Variants in NUBPL observed in about 807,000 individuals in gnomAD.
NUBPL encodes iron-sulfur cluster transfer protein NUBPL.
NUBPL carries 31 observed loss-of-function variants against 45.7 expected under a neutral mutation model. The observed-to-expected ratio is 0.68, with a 90% CI of 0.51 to 0.92. The LOEUF is 0.92. Ranked by LOEUF, NUBPL falls within the 40% of genes least tolerant of loss-of-function variation. The pLI is 0.00. For missense variants in NUBPL, 401 were observed against 398.7 expected (o/e 1.01, Z -0.05); for synonymous variants, 144 against 140.9 (o/e 1.02, Z -0.15).
rs541071646 is a variant in NUBPL at position 31,852,455 on chromosome 14, G to A, written c.897+2254G>A. On this transcript the variant is annotated intron_variant, in intron 10 of 10. Coordinates refer to ENST00000281081, the MANE Select transcript of NUBPL (RefSeq NM_025152.3). ...TGGGAGGCTGAGGCGGGCAGATCACGAGGTCAGGAGTTTGAGATCAACCTG... is the reference window on the plus strand; with the variant it reads ...TGGGAGGCTGAGGCGGGCAGATCACAAGGTCAGGAGTTTGAGATCAACCTG... Among the ~76,000 whole-genome samples the A allele has an allele frequency of 5.3e-5, 8 of 152,160 alleles. No homozygotes were observed. The South Asian group carries it at 1.5e-3, about 28-fold the overall frequency.
intron 6 of NUBPL, among the ~76,000 whole-genome samples, chr14:31,708,457 A>G (rs1431541247): frequency 3.9e-5 from 6 of 152,160 alleles, no homozygotes. Context: ...ATATTCATGT[A>G]GATAATAGCT....
At chr14:31,596,753 A>C (rs1446250344) in intron 3 of NUBPL, among the ~76,000 whole-genome samples, 1 of 152,248 alleles carries the variant, frequency 6.6e-6, no homozygotes, top group Non-Finnish European at 1.5e-5. Flanking sequence ...CATTTTAAGA[A>C]AGAATACTTT....
intron 7 of NUBPL, among the ~76,000 whole-genome samples, chr14:31,818,837 C>A (rs989316291): frequency 1.3e-5 from 2 of 152,184 alleles, no homozygotes; most frequent in Non-Finnish European, 2.9e-5. Flanking sequence ...CGTGAGCTGC[C>A]GTGCCCAGCC....
chr14:31,696,611 G>C (rs991997018), intron 6 of NUBPL, among the ~76,000 whole-genome samples: 1 of 152,018 alleles, frequency 6.6e-6, no homozygotes, highest in African/African-American at 2.4e-5. Flanking sequence ...CAACCCATTT[G>C]TAGACTAACT....
intron 6 of NUBPL, among the ~76,000 whole-genome samples, chr14:31,707,790 T>G (rs1488846944): frequency 6.6e-6 from 1 of 152,212 alleles, no homozygotes; most frequent in African/African-American, 2.4e-5. Context: ...TAGAGTAGCT[T>G]GCTGGCACGA....
intron 3 of NUBPL, among the ~76,000 whole-genome samples, chr14:31,590,640 T>C (rs577966760): frequency 6.6e-6 from 1 of 152,362 alleles, no homozygotes; most frequent in East Asian, 1.9e-4. Flanking sequence ...CCAGCATCTT[T>C]GCTGCAGTAC....
At chr14:31,833,568 A>C (rs11848123) in intron 8 of NUBPL, among the ~76,000 whole-genome samples, 34,318 of 152,116 alleles carry the variant, frequency 0.23, 6,766 homozygotes, top group African/African-American at 0.54. Context: ...AGTAGACCCC[A>C]AAATATATAA....
intron 6 of NUBPL, among the ~76,000 whole-genome samples, chr14:31,765,924 A>T (rs1373749241): frequency 6.6e-6 from 1 of 152,192 alleles, no homozygotes; most frequent in Non-Finnish European, 1.5e-5. Context: ...AGAAATAAGG[A>T]TCTTACAGCT....
intron 7 of NUBPL, among the ~76,000 whole-genome samples, chr14:31,807,850 G>A (rs185780684): frequency 0.011 from 1,603 of 152,304 alleles, 27 homozygotes; most frequent in African/African-American, 0.037. Context: ...TGGCTAGCCA[G>A]TTTTCCCAGC....
chr14:31,594,990 A>G (rs143624703), intron 3 of NUBPL, among the ~76,000 whole-genome samples: 2 of 152,312 alleles, frequency 1.3e-5, no homozygotes, highest in East Asian at 1.9e-4. Flanking sequence ...GATGGGTTCT[A>G]TTAGCAGAAG....
chr14:31,726,498 C>G (rs2037928566), intron 6 of NUBPL, among the ~76,000 whole-genome samples: 1 of 152,166 alleles, frequency 6.6e-6, no homozygotes, highest in South Asian at 2.1e-4. Context: ...TATCATTTTT[C>G]TGGAATGTGT....
intron 2 of NUBPL, among the ~76,000 whole-genome samples, chr14:31,563,691 G>C (rs2033360652): frequency 6.6e-6 from 1 of 152,140 alleles, no homozygotes; most frequent in East Asian, 1.9e-4. Flanking sequence ...TTTTAGATTA[G>C]AATGATGACA....
At chr14:31,594,566 T>C (rs959050799) in intron 3 of NUBPL, among the ~76,000 whole-genome samples, 6 of 152,116 alleles carry the variant, frequency 3.9e-5, no homozygotes, top group Non-Finnish European at 8.8e-5. Context: ...ATTTTTTTTT[T>C]CTTTTATGCT....
At chr14:31,715,756 C>T (rs2037674030) in intron 6 of NUBPL, among the ~76,000 whole-genome samples, 1 of 152,104 alleles carries the variant, frequency 6.6e-6, no homozygotes, top group African/African-American at 2.4e-5. Context: ...TTGCTGTACA[C>T]TACTGTAGAC....
At chr14:31,652,710 G>A (rs952569790) in intron 4 of NUBPL, among the ~76,000 whole-genome samples, 1 of 152,106 alleles carries the variant, frequency 6.6e-6, no homozygotes, top group African/African-American at 2.4e-5. Flanking sequence ...TTTGTGAGTT[G>A]CGTTTTTAAA....
Position 31,645,174 on chromosome 14 carries a change from T to A in NUBPL, c.383-28181T>A, listed in dbSNP as rs190368649. ...TCCGCCTCCCGGGTTCACGCCATTC[T>A]CCTGCCTCAGCCTCCCGAGTAACTG... On this transcript the variant is annotated intron_variant, in intron 4 of 10. Coordinates refer to ENST00000281081, the MANE Select transcript of NUBPL (RefSeq NM_025152.3). 1.1e-3 allele frequency among the ~76,000 whole-genome samples: 161 copies of A among 151,992 alleles called. 7 individuals carry two copies. The highest frequency in any genetic ancestry group is 0.011 in the Admixed American group (161 of 15,274).
intron 2 of NUBPL, among the ~76,000 whole-genome samples, 171 bp downstream of exon 2, chr14:31,562,386 A>T (rs1051358027): frequency 2.0e-5 from 3 of 152,164 alleles, no homozygotes; most frequent in Non-Finnish European, 4.4e-5. Flanking sequence ...TTGGAGTTAG[A>T]CAAAAGTAGG....
intron 7 of NUBPL, among the ~76,000 whole-genome samples, chr14:31,819,617 A>C (rs902460694): frequency 2.0e-5 from 3 of 152,322 alleles, no homozygotes; most frequent in African/African-American, 7.2e-5. Context: ...ACCCAAATCC[A>C]CATATGCAGT....
rs879453613 is a variant in NUBPL, at chr14:31,748,903, C to T, written c.514-38877C>T. Among the ~76,000 whole-genome samples the T allele has an allele frequency of 3.9e-5, 6 of 152,260 alleles. No individual in the cohort carries two copies. In the East Asian group the frequency reaches 5.8e-4, roughly 15 times the overall value. Reference sequence around the variant, plus strand: ...CTAGGATTACAGGTGTGAGCCACTGCGCCCCACCCCTGCTTTGTTTTTATT... The same window carrying T: ...CTAGGATTACAGGTGTGAGCCACTGTGCCCCACCCCTGCTTTGTTTTTATT... On this transcript the variant is annotated intron_variant, in intron 6 of 10. Coordinates refer to ENST00000281081, the MANE Select transcript of NUBPL (RefSeq NM_025152.3).
Sources: allele counts gnomAD v4.1 joint callset (sites outside exome capture counted in the v4.1 genomes callset), GRCh38; gene constraint gnomAD v4.1.1; transcripts MANE v1.5; gene names NCBI Gene and HGNC (gene_info 2026-07-23, HGNC 2026-07-21).